LARGE1: variants seen among roughly 807,000 people sequenced by gnomAD.
The protein encoded by LARGE1 is LARGE xylosyl- and glucuronyltransferase 1, also known as xylosyl- and glucuronyltransferase LARGE1.
Under a neutral mutation model 87.6 loss-of-function variants are expected in LARGE1, and 43 were observed. That is an observed-to-expected ratio of 0.49 (90% confidence interval 0.38 to 0.63). LARGE1 has a LOEUF of 0.63. Among genes scored for constraint, LARGE1 ranks in the 30% least tolerant of loss-of-function variants. The probability of loss-of-function intolerance (pLI) is 0.00; values close to 1 mark genes in which losing one functional copy is unlikely to be tolerated. For synonymous variants in LARGE1, 434 were observed against 394.6 expected (o/e 1.10, Z -1.18); for missense variants, 802 against 1,000.2 (o/e 0.80, Z 2.67).
At chr22:33,193,267 A>G (rs1923884166) in intron 11 of LARGE1, among the ~76,000 whole-genome samples, 1 of 152,200 alleles carries the variant, frequency 6.6e-6, no homozygotes, top group South Asian at 2.1e-4. Flanking sequence ...ACTTTTTAAA[A>G]ATATTATAAT....
intron 3 of LARGE1, among the ~76,000 whole-genome samples, chr22:33,634,720 A>G (rs556737864): frequency 3.3e-5 from 5 of 152,200 alleles, no homozygotes; most frequent in African/African-American, 1.2e-4. Flanking sequence ...CTGGAAATCC[A>G]GAGAGCTGGA....
rs548366687 is a variant in LARGE1, at chr22:33,731,681, C to T, written c.106+29690G>A. On this transcript the variant is annotated intron_variant, in intron 2 of 14. Transcript: ENST00000397394. ...GTTAACAATACTGTATCGTAGACTT[C>T]GAAGTTTGCTGGGAGGGTAGATTTA... Among the ~76,000 whole-genome samples the T allele has an allele frequency of 9.9e-5, 15 of 152,204 alleles. 1 individual carries two copies. Among genetic ancestry groups the T allele is most frequent in the East Asian group, 1.9e-4 (1 of 5,184 alleles).
intron 1 of LARGE1, among the ~76,000 whole-genome samples, chr22:33,800,699 C>G (rs1214924218): frequency 6.6e-6 from 1 of 152,246 alleles, no homozygotes; most frequent in East Asian, 1.9e-4. Flanking sequence ...GCCTTTAGCC[C>G]CATCTCAGTT....
intron 6 of LARGE1, 125 bp downstream of exon 6, chr22:33,564,723 C>T: frequency 1.1e-6 from 1 of 911,810 alleles, no homozygotes; most frequent in Non-Finnish European, 1.8e-6. Context: ...TTTGTAATTC[C>T]TCACCCACTG....
chr22:33,124,950 G>T, the LARGE1 span, among the ~76,000 whole-genome samples: 1 of 152,224 alleles, frequency 6.6e-6, no homozygotes, highest in African/African-American at 2.4e-5. Context: ...TATCGCATAG[G>T]CAGTGAACTG....
chr22:33,754,105 T>G (rs1370130291), intron 2 of LARGE1, among the ~76,000 whole-genome samples: 1 of 152,020 alleles, frequency 6.6e-6, no homozygotes, highest in East Asian at 1.9e-4. Flanking sequence ...TGTAACCATC[T>G]CACAAGCAAA....
At chr22:33,533,887 AG>A (rs1394998402) in intron 6 of LARGE1, among the ~76,000 whole-genome samples, 1 of 146,916 alleles carries the variant, frequency 6.8e-6, no homozygotes, top group East Asian at 2.0e-4. Flanking sequence ...CATTAATTTC[AG>A]GTTTTTTTTT....
chr22:33,861,490 A>G (rs954998590), intron 1 of LARGE1: 4 of 152,280 alleles, frequency 2.6e-5, no homozygotes, highest in African/African-American at 9.7e-5. Context: ...CCATAGAACA[A>G]GCCATGGAAT....
In LARGE1 at chr22:33,502,832, A is replaced by G. The variant is rs535370354; in HGVS notation, c.787+62016T>C. Among the ~76,000 whole-genome samples the G allele has an allele frequency of 7.2e-5, 11 of 152,260 alleles. No homozygotes were observed. The East Asian group carries it at 2.1e-3, about 29-fold the overall frequency. ...TCTGCCCACCTCAGCCTCCCAAGCCACATGCTTTTACGGTGCACAGCAGAA... is the reference window on the plus strand; with the variant it reads ...TCTGCCCACCTCAGCCTCCCAAGCCGCATGCTTTTACGGTGCACAGCAGAA... On this transcript the variant is annotated intron_variant, in intron 6 of 14. Transcript: ENST00000397394.
intron 7 of LARGE1, among the ~76,000 whole-genome samples, chr22:33,391,174 G>C (rs909308690): frequency 2.0e-5 from 3 of 152,084 alleles, no homozygotes; most frequent in African/African-American, 7.2e-5. Flanking sequence ...CATCCTCATA[G>C]GTCCTGCATT....
chr22:33,914,213 G>A (rs1443626174), intron 1 of LARGE1, among the ~76,000 whole-genome samples: 1 of 152,058 alleles, frequency 6.6e-6, no homozygotes, highest in Non-Finnish European at 1.5e-5. Context: ...TCACACATTT[G>A]GAGGCATCAA....
rs573561662 is a variant in LARGE1 at position 33,623,724 on chromosome 22, A to C, written c.491+2520T>G. On this transcript the variant is annotated intron_variant, in intron 4 of 14. Transcript: ENST00000397394. ...CTGATTTAAAAAAAAAAAAAAAAAA[A>C]ACCTAAAGTCTAAAGAGTTAAAATG... Among the ~76,000 whole-genome samples the C allele has an allele frequency of 5.4e-3, 817 of 151,648 alleles. 5 individuals carry two copies. The highest frequency in any genetic ancestry group is 0.018 in the African/African-American group (763 of 41,372).
At chr22:33,190,709 A>G (rs1256400858) in intron 11 of LARGE1, among the ~76,000 whole-genome samples, 1 of 152,182 alleles carries the variant, frequency 6.6e-6, no homozygotes, top group African/African-American at 2.4e-5. Flanking sequence ...ACGTTTTTCA[A>G]TATCTCCTTC....
intron 11 of LARGE1, among the ~76,000 whole-genome samples, chr22:33,262,761 C>T (rs181812720): frequency 6.0e-4 from 86 of 144,392 alleles, no homozygotes; most frequent in African/African-American, 1.9e-3. Flanking sequence ...TTCCTTCCTT[C>T]CCTTCCCTTT....
rs2080750354 is a variant in LARGE1, at chr22:33,650,217, A to T, written c.408+150T>A. ...AATGACTTGTCAGACCATTGAGCAAAGTTAGCGAGCAAGCCAGACTTACAC... is the reference window on the plus strand; with the variant it reads ...AATGACTTGTCAGACCATTGAGCAATGTTAGCGAGCAAGCCAGACTTACAC... On this transcript the variant is annotated intron_variant, in intron 3 of 14. Transcript: ENST00000397394. 2.5e-5 allele frequency: 24 copies of T among 974,168 alleles called. No individual in the cohort carries two copies. The South Asian group carries it at 3.0e-4, about 12-fold the overall frequency. 60.3% of individuals were successfully genotyped at this position (974,168 alleles called of 1,614,324 possible). A position where few individuals can be genotyped will look rare whatever the true frequency, so the allele number is the denominator to read the frequency against.
At chr22:33,304,546 C>T in intron 11 of LARGE1, 39 bp from the exon 12 acceptor site, 1 of 1,524,848 alleles carries the variant, frequency 6.6e-7, no homozygotes, top group Non-Finnish European at 8.8e-7. Context: ...GGACCTGGGC[C>T]ATCCATGCAT....
At chr22:33,098,048 T>C in the LARGE1 span, among the ~76,000 whole-genome samples, 1 of 152,210 alleles carries the variant, frequency 6.6e-6, no homozygotes, top group South Asian at 2.1e-4. Flanking sequence ...GGCTTACACC[T>C]GCAATCCCAA....
At chr22:33,562,591 C>T (rs897025276) in intron 6 of LARGE1, among the ~76,000 whole-genome samples, 1 of 152,202 alleles carries the variant, frequency 6.6e-6, no homozygotes, top group African/African-American at 2.4e-5. Flanking sequence ...CCAGGAGCTG[C>T]CTTGAATCTG....
At chr22:33,473,923 CCTT>C (rs1003332358) in intron 6 of LARGE1, among the ~76,000 whole-genome samples, 34 of 152,148 alleles carry the variant, frequency 2.2e-4, no homozygotes, top group African/African-American at 8.2e-4. Flanking sequence ...CCAAGGCACA[CCTT>C]CTCACCATCC....
Sources: gnomAD v4.1 joint callset for allele counts (sites outside exome capture counted in the v4.1 genomes callset) on GRCh38, gnomAD v4.1.1 for gene constraint, MANE v1.5 for transcripts, NCBI Gene and HGNC (gene_info 2026-07-23, HGNC 2026-07-21) for gene names.